The following BRD10 variants were observed in gnomAD, a reference collection of about 807,000 sequenced individuals.
BRD10 encodes the protein bromodomain containing 10.
chr9:5,993,937 A>G, the BRD10 span, among the ~76,000 whole-genome samples: 1 of 152,018 alleles, frequency 6.6e-6, no homozygotes, highest in East Asian at 1.9e-4. Flanking sequence ...TTACTGGGGA[A>G]TTCTGACAAA....
At chr9:5,897,586 T>A in the BRD10 span, 9 of 1,614,054 alleles carry the variant, frequency 5.6e-6, no homozygotes, top group Non-Finnish European at 7.6e-6. Context: ...CTGACAGTGA[T>A]CCTGGGAGTC....
chr9:5,922,166 G>C, the BRD10 span: 1 of 1,613,930 alleles, frequency 6.2e-7, no homozygotes, highest in Non-Finnish European at 8.5e-7. Context: ...AATTGACTGT[G>C]AATCTCTTAT....
the BRD10 span, chr9:5,923,407 G>C: frequency 1.1e-6 from 1 of 925,280 alleles, no homozygotes; most frequent in Non-Finnish European, 1.6e-6. Flanking sequence ...TGAGCTGGCA[G>C]TGTATTAAGA....
At chr9:5,921,359 G>T in the BRD10 span, 1 of 1,613,912 alleles carries the variant, frequency 6.2e-7, no homozygotes, top group Non-Finnish European at 8.5e-7. Context: ...TACTATTTGG[G>T]GTTGCTCTGG....
At chr9:5,921,705 T>C in the BRD10 span, 24 of 1,613,804 alleles carry the variant, frequency 1.5e-5, no homozygotes, top group Non-Finnish European at 1.9e-5. Flanking sequence ...TGAATAATAT[T>C]TGCATTGTTT....
the BRD10 span, among the ~76,000 whole-genome samples, chr9:5,911,087 A>T: frequency 6.6e-6 from 1 of 152,180 alleles, no homozygotes; most frequent in Non-Finnish European, 1.5e-5. Context: ...TGCCTGTGCT[A>T]TGTAGGGTAT....
the BRD10 span, among the ~76,000 whole-genome samples, chr9:5,998,171 A>G: frequency 1.5e-4 from 23 of 152,286 alleles, no homozygotes; most frequent in East Asian, 7.7e-4. Flanking sequence ...TGGACACTCA[A>G]TTGGATAAAA....
At chr9:5,934,223 TGC>T in the BRD10 span, among the ~76,000 whole-genome samples, 1 of 152,216 alleles carries the variant, frequency 6.6e-6, no homozygotes, top group Non-Finnish European at 1.5e-5. Flanking sequence ...TTTTCCTATA[TGC>T]TTTTATTTAC....
the BRD10 span, chr9:5,897,738 T>G: frequency 8.6e-7 from 1 of 1,159,984 alleles, no homozygotes; most frequent in Non-Finnish European, 1.3e-6. Context: ...GAGAGTCAGA[T>G]AATTGCCTCA....
At chr9:5,880,202 A>G in the BRD10 span, among the ~76,000 whole-genome samples, 2 of 150,450 alleles carry the variant, frequency 1.3e-5, no homozygotes, top group Admixed American at 6.6e-5. Flanking sequence ...TACAGGTGTG[A>G]GCCATCACAC....
chr9:5,941,319 TG>T, the BRD10 span, among the ~76,000 whole-genome samples: 1 of 152,168 alleles, frequency 6.6e-6, no homozygotes, highest in Non-Finnish European at 1.5e-5. Context: ...AAATTTTATC[TG>T]CTAACTAAAA....
the BRD10 span, among the ~76,000 whole-genome samples, chr9:5,908,454 C>G: frequency 6.6e-6 from 1 of 152,104 alleles, no homozygotes; most frequent in African/African-American, 2.4e-5. Flanking sequence ...TACTCTTGCC[C>G]CCAACAATCA....
At chr9:5,969,690 C>A in the BRD10 span, among the ~76,000 whole-genome samples, 3 of 152,050 alleles carry the variant, frequency 2.0e-5, no homozygotes. Flanking sequence ...ATTACAGGTG[C>A]CTGCCACCAC....
chr9:5,969,259 G>C, the BRD10 span: 1 of 1,613,900 alleles, frequency 6.2e-7, no homozygotes, highest in East Asian at 2.2e-5. Context: ...ATTCGTAAAA[G>C]ACTATTTCTG....
chr9:5,971,903 T>A, the BRD10 span, among the ~76,000 whole-genome samples: 3 of 151,532 alleles, frequency 2.0e-5, no homozygotes, highest in Non-Finnish European at 2.9e-5. Context: ...GTCTTCACAA[T>A]AGGAGTGGTG....
At chr9:5,886,821 G>A in the BRD10 span, among the ~76,000 whole-genome samples, 1 of 152,118 alleles carries the variant, frequency 6.6e-6, no homozygotes, top group East Asian at 1.9e-4. Context: ...GGTGCCCAGG[G>A]AACCCCTATT....
chr9:5,977,197 GTGTGATAATGCCATC>G, the BRD10 span, among the ~76,000 whole-genome samples: 1 of 152,198 alleles, frequency 6.6e-6, no homozygotes, highest in South Asian at 2.1e-4. Flanking sequence ...CACAGTTGAA[GTGTGATAATGCCATC>G]TGTGTGCACT....
the BRD10 span, chr9:5,922,576 T>G: frequency 6.2e-7 from 1 of 1,614,026 alleles, no homozygotes; most frequent in Non-Finnish European, 8.5e-7. Flanking sequence ...TTGTTGTCTG[T>G]GGGAAAGATG....
chr9:5,897,696 C>G, the BRD10 span: 1 of 1,513,408 alleles, frequency 6.6e-7, no homozygotes, highest in African/African-American at 1.4e-5. Context: ...AAGTCCAGGG[C>G]CCTCTTTCCA....
Sources: allele counts gnomAD v4.1 joint callset (sites outside exome capture counted in the v4.1 genomes callset), GRCh38; gene constraint gnomAD v4.1.1; transcripts MANE v1.5; gene names NCBI Gene and HGNC (gene_info 2026-07-23, HGNC 2026-07-21).